CLECL1: variants seen among roughly 807,000 people sequenced by gnomAD.
The protein encoded by CLECL1 is C-type lectin-like domain family 1.
chr12:9,725,505 A>G (rs1866369306), intron 3 of CLECL1, among the ~76,000 whole-genome samples: 1 of 151,902 alleles, frequency 6.6e-6, no homozygotes, highest in South Asian at 2.1e-4. Context: ...TAGACTAGAT[A>G]CCTGGAAGCA....
chr12:9,719,324 A>T (rs1565480605), downstream of CLECL1, among the ~76,000 whole-genome samples: 1 of 152,140 alleles, frequency 6.6e-6, no homozygotes, highest in South Asian at 2.1e-4. Flanking sequence ...CAGGAGATCG[A>T]GACCATCCTG....
At chr12:9,729,204 T>C (rs1002419847) in intron 2 of CLECL1, among the ~76,000 whole-genome samples, 5 of 152,138 alleles carry the variant, frequency 3.3e-5, no homozygotes, top group African/African-American at 7.2e-5. Flanking sequence ...AGATTGATGA[T>C]ACTTAGGAGT....
chr12:9,705,476 CT>C, the CLECL1 span, among the ~76,000 whole-genome samples: 12 of 152,062 alleles, frequency 7.9e-5, no homozygotes, highest in Admixed American at 1.3e-4. Flanking sequence ...AAATATTTGC[CT>C]GTGTCTATAT....
At chr12:9,718,606 T>C (rs971139316), downstream of CLECL1, 2 of 614,710 alleles carry the variant, frequency 3.3e-6, no homozygotes, top group Admixed American at 2.8e-5. Context: ...TGACTGTATA[T>C]GGAGACACAA....
At chr12:9,714,967 G>A (rs1866224038), downstream of CLECL1, among the ~76,000 whole-genome samples, 1 of 152,072 alleles carries the variant, frequency 6.6e-6, no homozygotes, top group Non-Finnish European at 1.5e-5. Context: ...ATTTACACTA[G>A]GATCTAGTCC....
chr12:9,721,771 G>A (rs1333974473), downstream of CLECL1, among the ~76,000 whole-genome samples: 1 of 152,136 alleles, frequency 6.6e-6, no homozygotes. Flanking sequence ...ACAAACAAAG[G>A]TCTCTTATCA....
downstream of CLECL1, among the ~76,000 whole-genome samples, chr12:9,711,512 T>TA (rs141838777): frequency 4.3e-3 from 648 of 150,816 alleles, 7 homozygotes; most frequent in African/African-American, 0.015. Flanking sequence ...GTAAGTTATT[T>TA]AAAAAAAAAA....
chr12:9,705,798 T>C, the CLECL1 span, among the ~76,000 whole-genome samples: 7 of 152,228 alleles, frequency 4.6e-5, no homozygotes, highest in African/African-American at 1.7e-4. Context: ...TTGGTTACTG[T>C]AGCCTTGTAG....
At chr12:9,706,361 C>CTGAT in the CLECL1 span, among the ~76,000 whole-genome samples, 3 of 152,146 alleles carry the variant, frequency 2.0e-5, no homozygotes, top group Non-Finnish European at 4.4e-5. Context: ...TTTCCCTTGC[C>CTGAT]TGATTGCCCA....
the CLECL1 span, among the ~76,000 whole-genome samples, chr12:9,707,503 A>C: frequency 4.4e-5 from 6 of 137,804 alleles, no homozygotes; most frequent in Non-Finnish European, 8.3e-5. Context: ...TAGGTAGATG[A>C]GGGTGTGGTC....
the CLECL1 span, chr12:9,709,436 G>C: frequency 1.3e-5 from 2 of 152,384 alleles, no homozygotes; most frequent in Non-Finnish European, 2.9e-5. Flanking sequence ...GTAAGGTCCA[G>C]GTCTCCTTCT....
rs117511026 is a variant in CLECL1, at chr12:9,723,273, T to C, written n.263-460A>G. Among the ~76,000 whole-genome samples the C allele has an allele frequency of 3.2e-3, 484 of 152,338 alleles. 4 individuals are homozygous for C. Among genetic ancestry groups the C allele is most frequent in the Non-Finnish European group, 5.3e-3 (359 of 68,034 alleles). On this transcript the variant is annotated intron_variant and non_coding_transcript_variant, in intron 3 of 3. Coordinates refer to ENST00000621400, the Ensembl canonical transcript of CLECL1. The stretch of plus-strand genomic sequence containing the variant: ...AGTCCCCCAAAATCAAATAGGTTCA[T>C]CTCTATTATCACACAAAACGATCTT...
chr12:9,728,431 T>A (rs774283533), intron 2 of CLECL1, among the ~76,000 whole-genome samples: 1 of 151,818 alleles, frequency 6.6e-6, no homozygotes, highest in East Asian at 1.9e-4. Context: ...CTTCAACATA[T>A]ATACATCATA....
chr12:9,706,625 G>C, the CLECL1 span, among the ~76,000 whole-genome samples: 1 of 152,158 alleles, frequency 6.6e-6, no homozygotes, highest in Non-Finnish European at 1.5e-5. Flanking sequence ...TGTGGTTTTT[G>C]TCTTTAGTTT....
chr12:9,711,283 G>A (rs1866198306), downstream of CLECL1, among the ~76,000 whole-genome samples: 1 of 152,160 alleles, frequency 6.6e-6, no homozygotes, highest in East Asian at 1.9e-4. Context: ...ACTGTTAAGA[G>A]AAACAATGGG....
intron 1 of CLECL1, among the ~76,000 whole-genome samples, chr12:9,730,698 CT>C (rs552109203): frequency 3.4e-5 from 5 of 148,302 alleles, no homozygotes; most frequent in East Asian, 2.0e-4. Context: ...TTTTTCTTTT[CT>C]TTTTTTTTTG....
At chr12:9,723,904 T>C (rs979145598) in intron 3 of CLECL1, among the ~76,000 whole-genome samples, 2 of 151,920 alleles carry the variant, frequency 1.3e-5, no homozygotes, top group African/African-American at 4.8e-5. Flanking sequence ...GGAAGGAAAA[T>C]TGGCCAGGTG....
At chr12:9,724,682 A>G (rs1054165085) in intron 3 of CLECL1, among the ~76,000 whole-genome samples, 6 of 152,204 alleles carry the variant, frequency 3.9e-5, no homozygotes, top group Non-Finnish European at 8.8e-5. Context: ...TCAGATCCTC[A>G]AGGACTTGTG....
upstream of CLECL1, chr12:9,733,135 T>A (rs1866473945): frequency 6.2e-7 from 1 of 1,613,948 alleles, no homozygotes; most frequent in Admixed American, 1.7e-5. Context: ...ATGGCAAATT[T>A]CCTTCTGCTC....
Sources: allele counts gnomAD v4.1 joint callset (sites outside exome capture counted in the v4.1 genomes callset), GRCh38; gene constraint gnomAD v4.1.1; transcripts MANE v1.5; gene names NCBI Gene and HGNC (gene_info 2026-07-23, HGNC 2026-07-21).